The following RNF4 variants were observed in gnomAD, a reference collection of about 807,000 sequenced individuals.
RNF4 encodes ring finger protein 4.
In RNF4, 7 loss-of-function variants were observed where a neutral mutation model predicts 24.3. The observed-to-expected ratio is 0.29, with a 90% CI of 0.16 to 0.54. The LOEUF (loss-of-function observed/expected upper bound fraction) is 0.54, where lower values mean the gene tolerates loss of function less well. Among genes scored for constraint, RNF4 ranks in the 20% least tolerant of loss-of-function variants. The pLI is 0.95. For missense variants in RNF4, 209 were observed against 248.5 expected, an observed-to-expected ratio of 0.84 and a Z score of 1.07; for synonymous variants, 83 against 84.3, an observed-to-expected ratio of 0.98 and a Z score of 0.09.
chr4:2,495,681 G>T (rs1014547206), intron 2 of RNF4, among the ~76,000 whole-genome samples: 8 of 151,554 alleles, frequency 5.3e-5, no homozygotes, highest in Non-Finnish European at 1.2e-4. Context: ...TGCCCAGGCT[G>T]GAGTGCAATG....
At chr4:2,495,753 C>G (rs1017108220) in intron 2 of RNF4, among the ~76,000 whole-genome samples, 1 of 152,188 alleles carries the variant, frequency 6.6e-6, no homozygotes, top group Non-Finnish European at 1.5e-5. Flanking sequence ...CTGCCTCAGC[C>G]TCCCGAGTAG....
At chr4:2,485,168 G>T (rs1018323539) in intron 1 of RNF4, among the ~76,000 whole-genome samples, 1 of 152,088 alleles carries the variant, frequency 6.6e-6, no homozygotes, top group Non-Finnish European at 1.5e-5. Flanking sequence ...GTTTGGGCTG[G>T]GACTGCGACT....
intron 1 of RNF4, among the ~76,000 whole-genome samples, chr4:2,481,436 T>C (rs1245266347): frequency 2.0e-5 from 3 of 152,158 alleles, no homozygotes; most frequent in Non-Finnish European, 4.4e-5. Context: ...CCCAGAAAAG[T>C]GAGGACGAGT....
intron 4 of RNF4, chr4:2,505,328 CTT>C (rs767549539): frequency 7.1e-5 from 10 of 140,436 alleles, no homozygotes; most frequent in Non-Finnish European, 1.2e-4. Flanking sequence ...CTGCATCTCT[CTT>C]TTTTTTTTTT....
intron 1 of RNF4, chr4:2,471,151 G>T (rs1164633367): frequency 6.6e-6 from 1 of 151,946 alleles, no homozygotes; most frequent in Non-Finnish European, 1.5e-5. Flanking sequence ...ATTTTTAGTG[G>T]AGACGGGGTT....
In RNF4 at chr4:2,514,299, C is replaced by T. The variant is rs1342644178; in HGVS notation, c.*480C>T. 1 of 170,770 alleles carries T rather than the reference C, an allele frequency of 5.9e-6. No individual in the cohort carries two copies. The highest frequency in any genetic ancestry group is 2.4e-5 in the African/African-American group (1 of 42,066). 10.6% of individuals were successfully genotyped at this position (170,770 alleles called of 1,614,324 possible). A position where few individuals can be genotyped will look rare whatever the true frequency, so the allele number is the denominator to read the frequency against. On this transcript the variant is annotated 3_prime_UTR_variant, in exon 8 of 8. Transcript: ENST00000314289. Reference sequence around the variant, plus strand: ...TGGCCCCTTGAGGCCCTGGAAAGACCAATCACTGGACTTCTTCCCTTGAGA... The same window carrying T: ...TGGCCCCTTGAGGCCCTGGAAAGACTAATCACTGGACTTCTTCCCTTGAGA...
chr4:2,476,740 T>C lies in RNF4; in HGVS notation c.-158+7482T>C, dbSNP rs115509407. ...TTTTTTAATTTAAGAGAAGGTTGTC[T>C]TCCTATGTTTCCCGGGCAGGAGTGC... On this transcript the variant is annotated intron_variant, in intron 1 of 7. Coordinates refer to ENST00000314289, the MANE Select transcript of RNF4 (RefSeq NM_002938.5). 3.1e-3 allele frequency among the ~76,000 whole-genome samples: 462 copies of C among 151,146 alleles called. 3 individuals are homozygous for C. Among genetic ancestry groups the C allele is most frequent in the African/African-American group, 0.011 (444 of 41,150 alleles).
At position 2,512,108 on chromosome 4, in the gene RNF4, C is replaced by T. The variant is rs1736284831; in HGVS notation, c.214+143C>T. 9.6e-6 allele frequency: 7 copies of T among 729,904 alleles called. No individual in the cohort carries two copies. The South Asian group carries it at 1.3e-4, about 13-fold the overall frequency. The allele number at this position is 729,904 out of a possible 1,614,324, so 45.2% of individuals were successfully genotyped here. On this transcript the variant is annotated intron_variant, in intron 5 of 7. Transcript: ENST00000314289. This position sits in a 1 kb window ranked among gnomAD's most constrained non-coding sequence, Gnocchi z 4.1. The stretch of plus-strand genomic sequence containing the variant: ...AAGATGCCTTCGCAGATGCTGTGGT[C>T]AGACCCACACAGCCAGTCCCCCTTG...
At chr4:2,482,432 G>A (rs1735270463) in intron 1 of RNF4, among the ~76,000 whole-genome samples, 1 of 152,232 alleles carries the variant, frequency 6.6e-6, no homozygotes. Flanking sequence ...TGTCGAGGAT[G>A]TTGACGGCCT....
chr4:2,500,242 G>C (rs564329604), intron 3 of RNF4, among the ~76,000 whole-genome samples: 2 of 152,036 alleles, frequency 1.3e-5, no homozygotes, highest in East Asian at 3.9e-4. Context: ...CTTGGGCCAA[G>C]TGAGAGTGGT....
intron 2 of RNF4, among the ~76,000 whole-genome samples, chr4:2,491,394 G>A (rs973215162): frequency 2.6e-5 from 4 of 151,962 alleles, no homozygotes; most frequent in South Asian, 4.2e-4. Flanking sequence ...GCACCTCCCC[G>A]CCCAGCTAAT....
In RNF4 at chr4:2,500,697, G is replaced by C; in HGVS notation, c.163G>C (p.Glu55Gln). Residue 55 changes from glutamate (E) to glutamine (Q), a missense_variant, in exon 4 of 8, where the codon GAG becomes CAG. Glu to Gln is a conservative substitution (Grantham distance 29). This residue lies in a region of RNF4 where 182 missense variants were observed against 197.2 expected (regional missense o/e 0.92). Transcript: ENST00000314289. ...TGTGGACCTCACTTGTGAATCTTTAGAGCCTGTGGTGGTTGATCTGACTCA... is the reference window on the plus strand; with the variant it reads ...TGTGGACCTCACTTGTGAATCTTTACAGCCTGTGGTGGTTGATCTGACTCA... ...EIVDLTCESLEPVVVDLTHND... is the reference protein window; with the variant it reads ...EIVDLTCESLQPVVVDLTHND... 2.5e-6 allele frequency: 4 copies of C among 1,613,888 alleles called. No individual in the cohort carries two copies. Among genetic ancestry groups the C allele is most frequent in the Non-Finnish European group, 3.4e-6 (4 of 1,179,838 alleles).
intron 4 of RNF4, among the ~76,000 whole-genome samples, chr4:2,503,718 G>A (rs1045611323): frequency 2.0e-5 from 3 of 152,212 alleles, no homozygotes; most frequent in African/African-American, 7.2e-5. Context: ...AGGGGCATCT[G>A]TAGATGGATC....
chr4:2,510,907 T>A (rs926314204), intron 4 of RNF4, among the ~76,000 whole-genome samples: 4 of 152,230 alleles, frequency 2.6e-5, no homozygotes, highest in Non-Finnish European at 5.9e-5. Flanking sequence ...CTTGTCAGGT[T>A]CTTAGGCCCC....
At chr4:2,499,922 T>TGA (rs906059096) in intron 3 of RNF4, among the ~76,000 whole-genome samples, 1 of 152,078 alleles carries the variant, frequency 6.6e-6, no homozygotes, top group Non-Finnish European at 1.5e-5. Context: ...TTTGGAAGAC[T>TGA]GAAGTGGGTG....
chr4:2,482,352 GCT>G (rs1735268587), intron 1 of RNF4, among the ~76,000 whole-genome samples: 1 of 152,216 alleles, frequency 6.6e-6, no homozygotes, highest in African/African-American at 2.4e-5. Flanking sequence ...CAGGCTCTGT[GCT>G]CAGTGGCCAT....
chr4:2,496,447 C>T (rs1014470843), intron 2 of RNF4, among the ~76,000 whole-genome samples: 1 of 152,120 alleles, frequency 6.6e-6, no homozygotes, highest in Non-Finnish European at 1.5e-5. Context: ...AGGGATGCAT[C>T]GTGTCCCTTT....
intron 1 of RNF4, among the ~76,000 whole-genome samples, chr4:2,485,536 C>T (rs1477361985): frequency 6.6e-6 from 1 of 152,138 alleles, no homozygotes; most frequent in Non-Finnish European, 1.5e-5. Flanking sequence ...TCTCCCTTCC[C>T]TCATTGGGTT....
intron 4 of RNF4, 87 bp downstream of exon 4, chr4:2,500,825 C>G: frequency 8.0e-7 from 1 of 1,253,520 alleles, no homozygotes; most frequent in South Asian, 1.3e-5. Context: ...TCACAGACTC[C>G]AAGTCAAGGT....
Sources: gnomAD v4.1 joint callset for allele counts (sites outside exome capture counted in the v4.1 genomes callset) on GRCh38, gnomAD v4.1.1 for gene constraint, gnomAD v4.1.1 regional missense constraint, Gnocchi (gnomAD v3.1) non-coding constraint, MANE v1.5 for transcripts, NCBI Gene and HGNC (gene_info 2026-07-23, HGNC 2026-07-21) for gene names.